The following HK1 variants were observed in gnomAD, a reference collection of about 807,000 sequenced individuals.
HK1 encodes hexokinase 1, also known as hexokinase-1.
In HK1, 28 loss-of-function variants were observed where a neutral mutation model predicts 91.6. The ratio of observed to expected loss-of-function variants is 0.31; its 90% CI spans 0.23 to 0.42. The LOEUF (loss-of-function observed/expected upper bound fraction) is 0.42. Ranked by LOEUF, HK1 falls within the 10% of genes least tolerant of loss-of-function variation. The pLI, the probability that HK1 is intolerant of heterozygous loss-of-function variation, is 1.00. For synonymous variants in HK1, 430 were observed against 468.1 expected, an observed-to-expected ratio of 0.92 and a Z score of 1.05; for missense variants, 770 against 1,219.8, an observed-to-expected ratio of 0.63 and a Z score of 5.49.
At chr10:69,281,588 A>T (rs1844752654) in intron 1 of HK1, among the ~76,000 whole-genome samples, 2 of 152,212 alleles carry the variant, frequency 1.3e-5, no homozygotes, top group African/African-American at 4.8e-5. Context: ...GGCTTCCTAT[A>T]CTTTTTCTTG....
In HK1 at chr10:69,276,090, C is replaced by CAAAAAAAAAA. The variant is rs60324656; in HGVS notation, c.-391+6002_-391+6011dup. ...GGGCAGCAAGAGCAAAACTCCTTTTCAAAAAAAAAAAAAAAAAAAAAAAAA... is the reference window on the plus strand; with the variant it reads ...GGGCAGCAAGAGCAAAACTCCTTTTCAAAAAAAAAAAAAAAAAAAAAAAAAAAAAAAAAAA... On this transcript the variant is annotated intron_variant, in intron 1 of 21. Coordinates refer to the HK1 transcript ENST00000360289. Among the ~76,000 whole-genome samples the CAAAAAAAAAA allele has an allele frequency of 5.6e-4, 9 of 15,944 alleles. 1 individual carries two copies. The highest frequency in any genetic ancestry group is 5.2e-3 in the South Asian group (1 of 192). 10.5% of individuals were successfully genotyped at this position (15,944 alleles called of 152,430 possible).
rs541731829 is a variant in HK1 at position 69,305,801 on chromosome 10, C to T, written c.27+4940C>T. ...CCGGGAGGCAGAGTTTGCAGTGAGCCGAGATGATGCCACTGCACTCCAGCC... is the reference window on the plus strand; with the variant it reads ...CCGGGAGGCAGAGTTTGCAGTGAGCTGAGATGATGCCACTGCACTCCAGCC... On this transcript the variant is annotated intron_variant, in intron 5 of 21. Transcript: ENST00000360289. Among the ~76,000 whole-genome samples, 20 of 148,564 alleles carry T rather than the reference C, an allele frequency of 1.3e-4. No homozygotes were observed. In the East Asian group the frequency reaches 3.6e-3, roughly 27 times the overall value.
At position 69,384,791 on chromosome 10, in the gene HK1, TG is replaced by T; in HGVS notation, c.1720-4del. On this transcript the variant is annotated splice_polypyrimidine_tract_variant and splice_region_variant and intron_variant, in intron 11 of 17. Transcript: ENST00000359426. The stretch of plus-strand genomic sequence containing the variant: ...GCACGGGCGATCCTTTCTTTTCCCC[TG>T]CAGCTGTTTGATCACATTGTCTCCT... 1 of 1,614,212 alleles carries T rather than the reference TG, an allele frequency of 6.2e-7. No individual in the cohort carries two copies. The highest frequency in any genetic ancestry group is 8.5e-7 in the Non-Finnish European group (1 of 1,180,028).
At chr10:69,358,397 C>T (rs1005470124) in intron 2 of HK1, among the ~76,000 whole-genome samples, 7 of 152,180 alleles carry the variant, frequency 4.6e-5, no homozygotes, top group Admixed American at 2.0e-4. Context: ...ATGTCACTCC[C>T]GAGGGAGGTA....
intron 3 of HK1, among the ~76,000 whole-genome samples, chr10:69,364,297 C>T (rs1849584065): frequency 6.6e-6 from 1 of 152,050 alleles, no homozygotes; most frequent in Non-Finnish European, 1.5e-5. Context: ...TAAAAAGTAA[C>T]ATTATGACAG....
intron 11 of HK1, 63 bp downstream of exon 11, chr10:69,384,544 G>T (rs371769247): frequency 8.7e-6 from 14 of 1,604,490 alleles, no homozygotes; most frequent in Non-Finnish European, 1.2e-5. Flanking sequence ...CGGCAGTCAC[G>T]TGATGACCAA....
At chr10:69,334,892 T>G (rs1589501435) in intron 1 of HK1, among the ~76,000 whole-genome samples, 1 of 149,858 alleles carries the variant, frequency 6.7e-6, no homozygotes, top group Non-Finnish European at 1.5e-5. Context: ...CGGTGTGGGG[T>G]GGGGCGGATC....
At chr10:69,372,646 A>G (rs11596868) in intron 7 of HK1, among the ~76,000 whole-genome samples, 9,646 of 152,214 alleles carry the variant, frequency 0.063, 475 homozygotes, top group African/African-American at 0.13. Context: ...TGAGGTTTTC[A>G]GAGTGAGCTT....
intron 1 of HK1, among the ~76,000 whole-genome samples, chr10:69,323,660 C>T (rs2132588273): frequency 6.6e-6 from 1 of 152,202 alleles, no homozygotes; most frequent in East Asian, 1.9e-4. Flanking sequence ...ACCTTAGATA[C>T]TCCTAGGGTT....
At chr10:69,324,955 A>G (rs538062382) in intron 1 of HK1, among the ~76,000 whole-genome samples, 1 of 152,092 alleles carries the variant, frequency 6.6e-6, no homozygotes, top group African/African-American at 2.4e-5. Context: ...TGGAAATAAC[A>G]TTGACTTCTG....
chr10:69,295,543 G>A (rs752152196), intron 3 of HK1: 315 of 872,838 alleles, frequency 3.6e-4, no homozygotes, highest in Non-Finnish European at 5.5e-4. Context: ...TTTTCTGAGC[G>A]TGATTGATTA....
intron 5 of HK1, among the ~76,000 whole-genome samples, chr10:69,306,306 T>C (rs1353009520): frequency 6.6e-6 from 1 of 151,354 alleles, no homozygotes; most frequent in Non-Finnish European, 1.5e-5. Flanking sequence ...TGCAGTGAGC[T>C]GAGATCGCAC....
At chr10:69,318,514 G>A (rs747822593), upstream of HK1, among the ~76,000 whole-genome samples, 1 of 152,188 alleles carries the variant, frequency 6.6e-6, no homozygotes, top group African/African-American at 2.4e-5. Flanking sequence ...GCACCTCCCC[G>A]CCTGGCACGG....
In HK1 at chr10:69,379,764, G is replaced by T. The variant is rs548320170; in HGVS notation, c.1032-98G>T. ...ACCATCCCATACCATCCCACACATG[G>T]TAAGTGGGGCTGTCCCTTTCCAGCA... On this transcript the variant is annotated intron_variant, in intron 8 of 17. Transcript: ENST00000359426. 5 of 869,174 alleles carry T rather than the reference G, an allele frequency of 5.8e-6. No homozygotes were observed. In the Admixed American group the frequency reaches 6.8e-5, roughly 12 times the overall value. 53.8% of individuals were successfully genotyped at this position (869,174 alleles called of 1,614,324 possible). A position where few individuals can be genotyped will look rare whatever the true frequency, so the allele number is the denominator to read the frequency against.
chr10:69,375,833 C>T lies in HK1; in HGVS notation c.876-1101C>T, dbSNP rs542017099. ...CATCGAGCCCTGGTTCTTGCCAGCT[C>T]CCGGCTGGGCCTTCAGCAATGCGTG... is the stretch of plus-strand genomic sequence containing the variant. On this transcript the variant is annotated intron_variant, in intron 7 of 17. Transcript: ENST00000359426. 2.0e-5 allele frequency among the ~76,000 whole-genome samples: 3 copies of T among 152,304 alleles called. No individual in the cohort carries two copies. The South Asian group carries it at 6.2e-4, about 32-fold the overall frequency.
At chr10:69,277,906 G>A (rs757397516) in intron 1 of HK1, among the ~76,000 whole-genome samples, 13 of 152,088 alleles carry the variant, frequency 8.5e-5, no homozygotes, top group Non-Finnish European at 1.3e-4. Context: ...GGTGGCAGGC[G>A]CCTGTAATCC....
chr10:69,272,684 T>G (rs985417309), intron 1 of HK1, among the ~76,000 whole-genome samples: 1 of 151,858 alleles, frequency 6.6e-6, no homozygotes, highest in African/African-American at 2.4e-5. Flanking sequence ...TCTAGCTGTT[T>G]GTAAGGGTTT....
intron 1 of HK1, among the ~76,000 whole-genome samples, chr10:69,326,080 C>T (rs530223849): frequency 2.8e-4 from 42 of 151,210 alleles, no homozygotes; most frequent in Non-Finnish European, 4.4e-4. Flanking sequence ...GTGATTCACC[C>T]GCCTCGGCCT....
intron 14 of HK1, among the ~76,000 whole-genome samples, chr10:69,390,154 C>T (rs556197743): frequency 1.3e-5 from 2 of 152,340 alleles, no homozygotes; most frequent in Admixed American, 6.5e-5. Flanking sequence ...AGCCACTTTT[C>T]GCTTCTGTTG....
Sources: allele counts gnomAD v4.1 joint callset (sites outside exome capture counted in the v4.1 genomes callset), GRCh38; gene constraint gnomAD v4.1.1; transcripts MANE v1.5; gene names NCBI Gene and HGNC (gene_info 2026-07-23, HGNC 2026-07-21).